CORO1A: variants seen among roughly 807,000 people sequenced by gnomAD.
CORO1A encodes the protein coronin 1A.
In CORO1A, 17 loss-of-function variants were observed where a neutral mutation model predicts 44.1. That is an observed-to-expected ratio of 0.39 (90% CI 0.26 to 0.58). The LOEUF is 0.58. CORO1A is among the 20% of genes least tolerant of loss of function. CORO1A has a pLI of 0.62. For synonymous variants in CORO1A, 271 were observed against 244.2 expected (o/e 1.11, Z -1.02); for missense variants, 415 against 606.5 (o/e 0.68, Z 3.32).
Position 30,188,376 on chromosome 16 carries a change from G to A in CORO1A, c.1081G>A (p.Glu361Lys), listed in dbSNP as rs1385480452. 8 of 1,613,742 alleles carry A rather than the reference G, an allele frequency of 5.0e-6. No homozygotes were observed. Among genetic ancestry groups the A allele is most frequent in the African/African-American group, 2.7e-5 (2 of 74,914 alleles). Residue 361 changes from glutamate to lysine, a missense_variant, in exon 10 of 11, where the codon GAG becomes AAG. Around this residue, in one of 2 missense-constraint regions of CORO1A, gnomAD observed 325 missense variants for 521.7 expected, o/e 0.62. Coordinates refer to ENST00000219150, the MANE Select transcript of CORO1A (RefSeq NM_007074.4). The stretch of plus-strand genomic sequence containing the variant: ...TTGCCCACAGTCGGACCTGTTCCAG[G>A]AGGACCTGTACCCACCCACCGCAGG... Reference protein sequence around the residue: ...TVPRKSDLFQEDLYPPTAGPD... With the variant: ...TVPRKSDLFQKDLYPPTAGPD...
At chr16:30,185,937 T>C in intron 2 of CORO1A, 1 of 199,146 alleles carries the variant, frequency 5.0e-6, no homozygotes, top group Non-Finnish European at 1.1e-5. Flanking sequence ...CTGTGCTCTT[T>C]GGGGGGTAAG....
chr16:30,188,403 C>A lies in CORO1A; in HGVS notation c.1108C>A (p.Pro370Thr). 2 of 1,613,792 alleles carry A rather than the reference C, an allele frequency of 1.2e-6. No homozygotes were observed. The highest frequency in any genetic ancestry group is 1.7e-6 in the Non-Finnish European group (2 of 1,180,010). The change falls in exon 10 of 11, where the codon CCC becomes ACC. Residue 370 changes from proline to threonine, a missense_variant. Around this residue, in one of 2 missense-constraint regions of CORO1A, gnomAD observed 325 missense variants for 521.7 expected, o/e 0.62. Transcript: ENST00000219150. ...GGACCTGTACCCACCCACCGCAGGG[C>A]CCGACCCTGCCCTCACGGCTGAGGA... The part of the protein sequence containing the change: ...QEDLYPPTAG[P>T]DPALTAEEWL...
At chr16:30,186,366 C>T in intron 2 of CORO1A, 2 of 568,844 alleles carry the variant, frequency 3.5e-6, no homozygotes, top group Non-Finnish European at 3.2e-6. Context: ...CTGCCAGGGT[C>T]TTGCACGGCC....
chr16:30,186,648 T>G lies in CORO1A; in HGVS notation c.249T>G (p.Pro83=), dbSNP rs1244472564. Residue 83 remains proline (P), a synonymous_variant, in exon 3 of 11, where the codon CCT becomes CCG. Coordinates refer to ENST00000219150, the MANE Select transcript of CORO1A (RefSeq NM_007074.4). ...NAPTVCGHTA[P]VLDIAWCPHN... ...CCACGGTCTGTGGCCACACAGCCCC[T>G]GTGCTAGACATCGCCTGGTGCCCGC... The G allele has an allele frequency of 6.2e-7, 1 of 1,613,202 alleles. No individual in the cohort carries two copies. Among genetic ancestry groups the G allele is most frequent in the Admixed American group, 1.7e-5 (1 of 60,012 alleles).
rs373849698 is a variant in CORO1A, at chr16:30,188,300, G to A, written c.1065+51G>A. On this transcript the variant is annotated intron_variant, in intron 9 of 10. Transcript: ENST00000219150. Reference sequence around the variant, plus strand: ...GCTCCAGGCTGGGCACTGACTTTGCGGTCTTGTGGGGGGTGTCCTGGCATA... The same window carrying A: ...GCTCCAGGCTGGGCACTGACTTTGCAGTCTTGTGGGGGGTGTCCTGGCATA... 57 of 1,612,048 alleles carry A rather than the reference G, an allele frequency of 3.5e-5. 1 individual carries two copies. Among genetic ancestry groups the A allele is most frequent in the South Asian group, 6.6e-5 (6 of 91,050 alleles).
In CORO1A at chr16:30,188,490, C is replaced by G. The variant is rs1322390979; in HGVS notation, c.1195C>G (p.Pro399Ala). The change falls in exon 10 of 11, where the codon CCA becomes GCA. Residue 399 changes from proline (P) to alanine (A), a missense_variant. Physicochemically the swap from Pro to Ala is conservative, Grantham distance 27 (BLOSUM62 -1). Transcript: ENST00000219150. Reference sequence around the variant, plus strand: ...CTCCCTCAAGGATGGCTACGTACCCCCAAAGAGCCGGGAGCTGAGGGTCAA... The same window carrying G: ...CTCCCTCAAGGATGGCTACGTACCCGCAAAGAGCCGGGAGCTGAGGGTCAA... ...LISLKDGYVP[P>A]KSRELRVNRG... is the part of the protein sequence containing the mutation. 1.2e-6 allele frequency: 2 copies of G among 1,613,122 alleles called. No homozygotes were observed. The highest frequency in any genetic ancestry group is 1.3e-5 in the African/African-American group (1 of 74,904).
rs890370108 is a variant in CORO1A at position 30,185,638 on chromosome 16, TACAG to T, written c.198+236_198+239del. ...GATGGGTCACACCAGTGACCAGGAC[TACAG>T]ACAGTCCTGCAGACCCATGATCAGC... On this transcript the variant is annotated intron_variant, in intron 2 of 10. Transcript: ENST00000219150. The T allele has an allele frequency of 3.6e-5, 21 of 589,100 alleles. 2 individuals are homozygous for T. The Admixed American group carries it at 4.8e-4, about 13-fold the overall frequency. 36.5% of individuals were successfully genotyped at this position (589,100 alleles called of 1,614,324 possible). A position where few individuals can be genotyped will look rare whatever the true frequency, so the allele number is the denominator to read the frequency against.
In CORO1A at chr16:30,187,725, A is replaced by G; in HGVS notation, c.757A>G (p.Lys253Glu). 1 of 1,608,086 alleles carries G rather than the reference A, an allele frequency of 6.2e-7. No individual in the cohort carries two copies. The highest frequency in any genetic ancestry group is 8.5e-7 in the Non-Finnish European group (1 of 1,175,472). Residue 253 changes from lysine (K) to glutamate (E), a missense_variant and splice_region_variant, in exon 7 of 11, where the codon AAG becomes GAG. Physicochemically the swap from Lys to Glu is moderately conservative, Grantham distance 56 (BLOSUM62 1). This residue lies in a region of CORO1A where 325 missense variants were observed against 521.7 expected (regional missense o/e 0.62). Transcript: ENST00000219150. ...SERQVALWDT[K>E]HLEEPLSLQE... ...TGTTACCTCTCACCTGTGTCTACAGAAGCACCTGGAGGAGCCGCTGTCCCT... is the reference window on the plus strand; with the variant it reads ...TGTTACCTCTCACCTGTGTCTACAGGAGCACCTGGAGGAGCCGCTGTCCCT...
rs572324143 is a variant in CORO1A at position 30,186,043 on chromosome 16, C to T, written c.199-555C>T. On this transcript the variant is annotated intron_variant, in intron 2 of 10. Coordinates refer to ENST00000219150, the MANE Select transcript of CORO1A (RefSeq NM_007074.4). Reference sequence around the variant, plus strand: ...GTTGTCGGGGTGAGAGCTGGGCCCGCGCCCCACATGGCTGTCACACAGGAA... The same window carrying T: ...GTTGTCGGGGTGAGAGCTGGGCCCGTGCCCCACATGGCTGTCACACAGGAA... The T allele has an allele frequency of 1.0e-4, 21 of 204,988 alleles. No homozygotes were observed. In the South Asian group the frequency reaches 1.4e-3, roughly 14 times the overall value. The allele number at this position is 204,988 out of a possible 1,614,324, so 12.7% of individuals were successfully genotyped here. A position where few individuals can be genotyped will look rare whatever the true frequency, so the allele number is the denominator to read the frequency against.
rs201747422 is a variant in CORO1A at position 30,185,291 on chromosome 16, G to A, written c.82G>A (p.Val28Met). The A allele has an allele frequency of 5.0e-6, 8 of 1,614,256 alleles. No homozygotes were observed. The African/African-American group carries it at 9.3e-5, about 19-fold the overall frequency. Residue 28 changes from valine to methionine, a missense_variant, in exon 2 of 11, where the codon GTG (valine) becomes ATG (methionine). Val to Met is a conservative substitution (Grantham distance 21). Transcript: ENST00000219150. ...CAAGGCCGACCAGTGCTATGAAGAT[G>A]TGCGCGTCTCACAGACCACCTGGGA... ...PAKADQCYED[V>M]RVSQTTWDSG...
In CORO1A at chr16:30,187,416, T is replaced by C; in HGVS notation, c.671T>C (p.Val224Ala). The stretch of plus-strand genomic sequence containing the variant: ...CGTCCCCACGAGGGGACCCGGCCCG[T>C]GCGTGCAGTGTTCGTGTCGGAGGGG... Reference protein sequence around the residue: ...KDRPHEGTRPVRAVFVSEGKI... With the variant: ...KDRPHEGTRPARAVFVSEGKI... Residue 224 changes from valine (V) to alanine (A), a missense_variant, in exon 6 of 11, where the codon GTG becomes GCG. Physicochemically the swap from Val to Ala is moderately conservative, Grantham distance 64. Transcript: ENST00000219150. 1.9e-6 allele frequency: 3 copies of C among 1,611,260 alleles called. No homozygotes were observed. Among genetic ancestry groups the C allele is most frequent in the Non-Finnish European group, 2.5e-6 (3 of 1,180,002 alleles).
In CORO1A at chr16:30,188,413, C is replaced by A. The variant is rs953818951; in HGVS notation, c.1118C>A (p.Ala373Asp). ...LYPPTAGPDP[A>D]LTAEEWLGGR... ...CCACCCACCGCAGGGCCCGACCCTG[C>A]CCTCACGGCTGAGGAGTGGCTGGGG... Residue 373 changes from alanine (A) to aspartate (D), a missense_variant, in exon 10 of 11, where the codon GCC becomes GAC. By Grantham distance (126) the Ala-to-Asp change is moderately radical. Transcript: ENST00000219150. 1 of 1,613,784 alleles carries A rather than the reference C, an allele frequency of 6.2e-7. No individual in the cohort carries two copies. The highest frequency in any genetic ancestry group is 8.5e-7 in the Non-Finnish European group (1 of 1,180,008).
chr16:30,186,799 T>G lies in CORO1A; in HGVS notation c.322-17T>G. ...GACATTTGGAGTCCTGAAGACTCAC[T>G]GGCCCCTCCTCTGCAGGTGTGGGAG... On this transcript the variant is annotated splice_polypyrimidine_tract_variant and intron_variant, in intron 3 of 10. Transcript: ENST00000219150. 1.2e-6 allele frequency: 2 copies of G among 1,609,782 alleles called. No individual in the cohort carries two copies. Among genetic ancestry groups the G allele is most frequent in the East Asian group, 2.2e-5 (1 of 44,880 alleles).
chr16:30,187,395 CCCA>C lies in CORO1A; in HGVS notation c.652_654del (p.His218del). On this transcript the variant is annotated inframe_deletion, in exon 6 of 11. Transcript: ENST00000219150. Reference sequence around the variant, plus strand: ...CTTTCCTTGCAGGAGAAGGACCGTCCCCACGAGGGGACCCGGCCCGTGCGTGCA... The same window carrying C: ...CTTTCCTTGCAGGAGAAGGACCGTCCCGAGGGGACCCGGCCCGTGCGTGCA... 1 of 1,611,010 alleles carries C rather than the reference CCCA, an allele frequency of 6.2e-7. No homozygotes were observed. The highest frequency in any genetic ancestry group is 8.5e-7 in the Non-Finnish European group (1 of 1,180,002).
intron 6 of CORO1A, 81 bp from the exon 7 acceptor site, chr16:30,187,644 C>T (rs759161131): frequency 4.4e-5 from 64 of 1,466,886 alleles, no homozygotes; most frequent in Non-Finnish European, 5.5e-5. Flanking sequence ...ACTGGTTGGT[C>T]GGGAGGGCCC....
chr16:30,186,743 G>T (rs1008225133), intron 3 of CORO1A, 23 bp downstream of exon 3: 2 of 1,610,696 alleles, frequency 1.2e-6, no homozygotes, highest in Non-Finnish European at 1.7e-6. Context: ...GGGGACCCAG[G>T]GGCTGGGAGA....
Position 30,187,839 on chromosome 16 carries a change from T to A in CORO1A, c.861+10T>A, listed in dbSNP as rs529237177. On this transcript the variant is annotated intron_variant, in intron 7 of 10. Transcript: ENST00000219150. The stretch of plus-strand genomic sequence containing the variant: ...CTACCTCTGTGGCAAGGTGGCCTCG[T>A]CGGGCGGGGTGGGGGTGGGAGGTGG... The A allele has an allele frequency of 4.6e-6, 1 of 215,386 alleles. No individual in the cohort carries two copies. Among genetic ancestry groups the A allele is most frequent in the Admixed American group, 5.7e-5 (1 of 17,482 alleles). 13.3% of individuals were successfully genotyped at this position (215,386 alleles called of 1,614,324 possible). A position where few individuals can be genotyped will look rare whatever the true frequency, so the allele number is the denominator to read the frequency against.
Position 30,184,632 on chromosome 16 carries a change from T to G in CORO1A, c.-1-577T>G. On this transcript the variant is annotated intron_variant, in intron 1 of 10. Coordinates refer to ENST00000219150, the MANE Select transcript of CORO1A (RefSeq NM_007074.4). This position sits in a 1 kb window ranked among gnomAD's most constrained non-coding sequence, Gnocchi z 4.3. Reference sequence around the variant, plus strand: ...AGGCAGAGGTATGGGGAGGAGGAGATACCTGGACCTGAGCCAGAGACCTGC... The same window carrying G: ...AGGCAGAGGTATGGGGAGGAGGAGAGACCTGGACCTGAGCCAGAGACCTGC... 1 of 185,864 alleles carries G rather than the reference T, an allele frequency of 5.4e-6. No homozygotes were observed. Among genetic ancestry groups the G allele is most frequent in the Non-Finnish European group, 1.1e-5 (1 of 87,280 alleles). The allele number at this position is 185,864 out of a possible 1,614,324, so 11.5% of individuals were successfully genotyped here. A position where few individuals can be genotyped will look rare whatever the true frequency, so the allele number is the denominator to read the frequency against.
At chr16:30,187,919 C>G in intron 7 of CORO1A, 23 bp from the exon 8 acceptor site, 1 of 1,613,576 alleles carries the variant, frequency 6.2e-7, no homozygotes, top group South Asian at 1.1e-5. Context: ...TATTGACCCT[C>G]CCTCCACACC....
Sources: gnomAD v4.1 joint callset for allele counts on GRCh38, gnomAD v4.1.1 for gene constraint, gnomAD v4.1.1 regional missense constraint, Gnocchi (gnomAD v3.1) non-coding constraint, MANE v1.5 for transcripts, NCBI Gene and HGNC (gene_info 2026-07-23, HGNC 2026-07-21) for gene names.